Variants in ATF6 observed in about 807,000 individuals in gnomAD.
ATF6 encodes the protein activating transcription factor 6.
In ATF6, 53 loss-of-function variants were observed where a neutral mutation model predicts 83.6. The ratio of observed to expected loss-of-function variants is 0.63; its 90% CI spans 0.51 to 0.80. The LOEUF is 0.80. Among genes scored for constraint, ATF6 ranks in the 30% least tolerant of loss-of-function variants. The probability of loss-of-function intolerance (pLI) is 0.00; values close to 1 mark genes in which losing one functional copy is unlikely to be tolerated. For missense variants in ATF6, 744 were observed against 797.9 expected (o/e 0.93, Z 0.81); for synonymous variants, 288 against 285.8 (o/e 1.01, Z -0.08).
chr1:161,931,065 G>T (rs1157339256), intron 15 of ATF6, among the ~76,000 whole-genome samples: 1 of 152,016 alleles, frequency 6.6e-6, no homozygotes, highest in Non-Finnish European at 1.5e-5. Context: ...GTAGAGACGG[G>T]AGTTTCACCG....
chr1:161,798,771 T>C (rs1685076698), intron 6 of ATF6, among the ~76,000 whole-genome samples: 1 of 152,082 alleles, frequency 6.6e-6, no homozygotes. Flanking sequence ...AACAACCCCA[T>C]TAAGAAGTGG....
At chr1:161,812,289 TTGTGTG>T (rs10607216) in intron 7 of ATF6, among the ~76,000 whole-genome samples, 2 of 145,280 alleles carry the variant, frequency 1.4e-5, no homozygotes, top group African/African-American at 2.6e-5. Flanking sequence ...ATTTCATGCT[TTGTGTG>T]TGTGTGTGTG....
At chr1:161,853,182 T>C in intron 11 of ATF6, 42 bp from the exon 12 acceptor site, 1 of 1,321,360 alleles carries the variant, frequency 7.6e-7, no homozygotes, top group African/African-American at 1.5e-5. Flanking sequence ...TTTCTATGTT[T>C]AATTAATTTC....
At chr1:161,846,192 T>C (rs1222950049) in intron 9 of ATF6, among the ~76,000 whole-genome samples, 5 of 152,208 alleles carry the variant, frequency 3.3e-5, no homozygotes, top group Admixed American at 6.5e-5. Flanking sequence ...TTAAAACATA[T>C]AGAACACTAC....
At chr1:161,902,272 C>T (rs1264431367) in intron 14 of ATF6, among the ~76,000 whole-genome samples, 1 of 152,148 alleles carries the variant, frequency 6.6e-6, no homozygotes, top group African/African-American at 2.4e-5. Flanking sequence ...TTGAGATAGC[C>T]ATTATGCTTC....
chr1:161,803,890 G>A (rs963173600), intron 7 of ATF6, among the ~76,000 whole-genome samples: 11 of 151,822 alleles, frequency 7.2e-5, no homozygotes, highest in African/African-American at 2.7e-4. Context: ...TGTGCACAAT[G>A]TGCAGGTTAG....
intron 14 of ATF6, among the ~76,000 whole-genome samples, chr1:161,883,156 T>C (rs941259725): frequency 6.6e-6 from 1 of 151,996 alleles, no homozygotes; most frequent in African/African-American, 2.4e-5. Context: ...TACACTACCA[T>C]CCATTATCTA....
In ATF6 at chr1:161,802,047, C is replaced by T. The variant is rs75360743; in HGVS notation, c.689-5C>T. ...CTTTGATTCCTTTTCTTTTTTCTAACGCAGGCCAGACGGTTTTGCTGTCTC... is the reference window on the plus strand; with the variant it reads ...CTTTGATTCCTTTTCTTTTTTCTAATGCAGGCCAGACGGTTTTGCTGTCTC... On this transcript the variant is annotated splice_polypyrimidine_tract_variant and splice_region_variant and intron_variant, in intron 6 of 15. Coordinates refer to ENST00000367942, the MANE Select transcript of ATF6 (RefSeq NM_007348.4). 2.6e-4 allele frequency: 416 copies of T among 1,613,732 alleles called. 3 individuals are homozygous for T. The East Asian group carries it at 4.7e-3, about 18-fold the overall frequency.
chr1:161,768,102 A>G (rs1422272364), intron 1 of ATF6, among the ~76,000 whole-genome samples: 1 of 152,104 alleles, frequency 6.6e-6, no homozygotes, highest in Non-Finnish European at 1.5e-5. Context: ...TGATCCGCCC[A>G]CCTCGGCCTC....
intron 14 of ATF6, among the ~76,000 whole-genome samples, chr1:161,901,430 GAAAA>G (rs140542554): frequency 9.4e-6 from 1 of 106,904 alleles, no homozygotes. Flanking sequence ...TGTTTTATTT[GAAAA>G]AAAAAACAAT....
At chr1:161,895,111 C>A (rs1023347736) in intron 14 of ATF6, among the ~76,000 whole-genome samples, 3 of 152,058 alleles carry the variant, frequency 2.0e-5, no homozygotes, top group African/African-American at 7.3e-5. Context: ...GTGGTGTGTA[C>A]CTGTAGTCCC....
At chr1:161,881,175 T>G (rs570645712) in intron 14 of ATF6, among the ~76,000 whole-genome samples, 1 of 152,258 alleles carries the variant, frequency 6.6e-6, no homozygotes, top group Non-Finnish European at 1.5e-5. Context: ...CACACACATT[T>G]ATTATCTCAC....
rs140459186 is a variant in ATF6 at position 161,897,890 on chromosome 1, G to A, written c.1720-14406G>A. 4.6e-5 allele frequency among the ~76,000 whole-genome samples: 7 copies of A among 152,170 alleles called. No individual in the cohort carries two copies. In the East Asian group the frequency reaches 1.3e-3, roughly 29 times the overall value. On this transcript the variant is annotated intron_variant, in intron 14 of 15. Coordinates refer to ENST00000367942, the MANE Select transcript of ATF6 (RefSeq NM_007348.4). The stretch of plus-strand genomic sequence containing the variant: ...TATTTTGTGTGCCCGAAATTTTAAG[G>A]TTATATATGTGGCTTGCTTATATGC...
intron 9 of ATF6, among the ~76,000 whole-genome samples, chr1:161,838,826 G>A (rs556703909): frequency 6.6e-6 from 1 of 152,124 alleles, no homozygotes; most frequent in Non-Finnish European, 1.5e-5. Flanking sequence ...TATTTAGAGG[G>A]TTCTTTTATC....
At position 161,957,731 on chromosome 1, in the gene ATF6, G is replaced by T. The variant is rs373176770; in HGVS notation, c.1805-715G>T. On this transcript the variant is annotated intron_variant, in intron 15 of 15. Transcript: ENST00000367942. ...CTCTAGCTTACCTGCAAGTTCTGTA[G>T]ACTCCCTTTAATTCCATGTTGGAAT... Among the ~76,000 whole-genome samples, 58 of 152,270 alleles carry T rather than the reference G, an allele frequency of 3.8e-4. 1 individual carries two copies. In the South Asian group the frequency reaches 4.4e-3, roughly 11 times the overall value.
At chr1:161,902,071 A>T (rs1279600104) in intron 14 of ATF6, among the ~76,000 whole-genome samples, 1 of 152,190 alleles carries the variant, frequency 6.6e-6, no homozygotes, top group Non-Finnish European at 1.5e-5. Context: ...TTTCACTCAA[A>T]ATCCCAAATT....
chr1:161,862,807 C>A (rs890651685), intron 13 of ATF6, among the ~76,000 whole-genome samples: 2 of 152,158 alleles, frequency 1.3e-5, no homozygotes, highest in African/African-American at 4.8e-5. Context: ...AGCATACCTT[C>A]ATATATTCGA....
intron 9 of ATF6, among the ~76,000 whole-genome samples, chr1:161,828,326 G>A (rs1685956355): frequency 6.6e-6 from 1 of 152,060 alleles, no homozygotes; most frequent in South Asian, 2.1e-4. Context: ...CTTATTTCCT[G>A]GCTCCACTGG....
At chr1:161,894,345 TTAG>T (rs964992654) in intron 14 of ATF6, among the ~76,000 whole-genome samples, 3 of 151,516 alleles carry the variant, frequency 2.0e-5, no homozygotes, top group Non-Finnish European at 2.9e-5. Flanking sequence ...GAAGTTGAAA[TTAG>T]TAGATCTAAT....
Sources: allele counts gnomAD v4.1 joint callset (sites outside exome capture counted in the v4.1 genomes callset), GRCh38; gene constraint gnomAD v4.1.1; transcripts MANE v1.5; gene names NCBI Gene and HGNC (gene_info 2026-07-23, HGNC 2026-07-21).